Variants in PPP3CB observed in about 807,000 individuals in gnomAD.
PPP3CB encodes protein phosphatase 3 catalytic subunit beta.
PPP3CB carries 8 observed loss-of-function variants against 66.4 expected under a neutral mutation model. That is an observed-to-expected ratio of 0.12 (90% CI 0.07 to 0.22). The LOEUF (loss-of-function observed/expected upper bound fraction) is 0.22. Ranked by LOEUF, PPP3CB falls within the 10% of genes least tolerant of loss-of-function variation. PPP3CB has a pLI of 1.00. For synonymous variants in PPP3CB, 208 were observed against 221.2 expected (o/e 0.94, Z 0.53); for missense variants, 319 against 642.5 (o/e 0.50, Z 5.44).
At chr10:73,488,055 A>G (rs2057015663) in intron 1 of PPP3CB, among the ~76,000 whole-genome samples, 1 of 151,938 alleles carries the variant, frequency 6.6e-6, no homozygotes, top group Non-Finnish European at 1.5e-5. Flanking sequence ...TGCTGGGGTT[A>G]GGGTCAGGCA....
At chr10:73,455,654 C>T (rs545949600) in intron 9 of PPP3CB, among the ~76,000 whole-genome samples, 84 of 152,216 alleles carry the variant, frequency 5.5e-4, no homozygotes, top group African/African-American at 2.0e-3. Context: ...CTGCAGGCTC[C>T]GCCTCCCGGG....
At chr10:73,484,365 G>A (rs1216239224) in intron 1 of PPP3CB, among the ~76,000 whole-genome samples, 1 of 151,952 alleles carries the variant, frequency 6.6e-6, no homozygotes, top group East Asian at 2.0e-4. Flanking sequence ...CGCCCCCCGG[G>A]GTTCATGCCA....
intron 1 of PPP3CB, among the ~76,000 whole-genome samples, chr10:73,492,542 G>A (rs1178342029): frequency 6.6e-6 from 1 of 152,236 alleles, no homozygotes; most frequent in Non-Finnish European, 1.5e-5. Context: ...AAGCACACAT[G>A]CAGATACGGT....
intron 12 of PPP3CB, among the ~76,000 whole-genome samples, 155 bp from the exon 13 acceptor site, chr10:73,440,056 G>A (rs185407205): frequency 1.7e-3 from 256 of 152,094 alleles, no homozygotes; most frequent in African/African-American, 5.7e-3. Context: ...AAATTAGAGA[G>A]CCCCATCCAA....
chr10:73,445,045 T>C (rs995765718), intron 11 of PPP3CB, among the ~76,000 whole-genome samples: 4 of 152,230 alleles, frequency 2.6e-5, no homozygotes, highest in African/African-American at 9.6e-5. Flanking sequence ...TGAAAAGCTT[T>C]ATTAAATATG....
intron 1 of PPP3CB, among the ~76,000 whole-genome samples, chr10:73,485,918 G>GT (rs2056965372): frequency 9.5e-6 from 1 of 104,826 alleles, no homozygotes. Context: ...TTGTGTGTGT[G>GT]TGTGTGTGTG....
At chr10:73,480,962 A>C (rs1237034581) in intron 1 of PPP3CB, among the ~76,000 whole-genome samples, 1 of 152,178 alleles carries the variant, frequency 6.6e-6, no homozygotes, top group African/African-American at 2.4e-5. Flanking sequence ...CTATATAGTA[A>C]GTTTTTCTTA....
chr10:73,476,005 T>C (rs2056778641), intron 3 of PPP3CB, among the ~76,000 whole-genome samples: 3 of 151,508 alleles, frequency 2.0e-5, no homozygotes, highest in African/African-American at 7.2e-5. Context: ...TACAGGCACA[T>C]GCCACCAGGC....
chr10:73,456,145 A>G (rs1008800891), intron 9 of PPP3CB, among the ~76,000 whole-genome samples: 4 of 152,210 alleles, frequency 2.6e-5, no homozygotes, highest in Admixed American at 1.3e-4. Flanking sequence ...ACAAAATTCA[A>G]TACTTCTACA....
chr10:73,471,769 A>C (rs1428326375), intron 4 of PPP3CB, among the ~76,000 whole-genome samples, 156 bp from the exon 5 acceptor site: 6 of 152,216 alleles, frequency 3.9e-5, no homozygotes, highest in Non-Finnish European at 8.8e-5. Context: ...TTTCAACTGT[A>C]GTAATAGCCC....
chr10:73,480,280 A>G (rs1416104520), intron 1 of PPP3CB, among the ~76,000 whole-genome samples: 3 of 152,134 alleles, frequency 2.0e-5, no homozygotes, highest in African/African-American at 7.2e-5. Flanking sequence ...ATCTTTATGC[A>G]TATATTCGAA....
At chr10:73,461,640 G>A (rs2056522931) in intron 9 of PPP3CB, among the ~76,000 whole-genome samples, 1 of 152,136 alleles carries the variant, frequency 6.6e-6, no homozygotes, top group Non-Finnish European at 1.5e-5. Context: ...AAGGAACTAG[G>A]CTTGAGTCTC....
At chr10:73,444,502 T>C (rs2056213798) in intron 12 of PPP3CB, 1 of 1,385,300 alleles carries the variant, frequency 7.2e-7, no homozygotes, top group Non-Finnish European at 9.8e-7. Context: ...GCTGAGGAAC[T>C]GACCATTATT....
chr10:73,493,408 T>C (rs1334137322), intron 1 of PPP3CB, among the ~76,000 whole-genome samples: 1 of 152,196 alleles, frequency 6.6e-6, no homozygotes, highest in Non-Finnish European at 1.5e-5. Flanking sequence ...AAAAGAAATT[T>C]GGATTTTAAC....
At chr10:73,443,289 A>AC in intron 12 of PPP3CB, among the ~76,000 whole-genome samples, 2 of 116,168 alleles carry the variant, frequency 1.7e-5, no homozygotes, top group African/African-American at 8.7e-5. Context: ...AGAAAGACAG[A>AC]AAGAAAGAAA....
Position 73,467,609 on chromosome 10 carries a change from C to A in PPP3CB, c.1052G>T (p.Trp351Leu). ...GAAGACATCCATAAAATTAGGCAAC[C>A]AGTAAGGATGTGGAGAACAGTTAAA... Reference protein sequence around the residue: ...RQFNCSPHPYWLPNFMDVFTW... With the variant: ...RQFNCSPHPYLLPNFMDVFTW... Residue 351 changes from tryptophan (W) to leucine (L), a missense_variant, in exon 9 of 14, where the codon TGG (tryptophan) becomes TTG (leucine). Physicochemically the swap from Trp to Leu is moderately conservative, Grantham distance 61. Coordinates refer to ENST00000360663, the MANE Select transcript of PPP3CB (RefSeq NM_021132.4). 6.3e-7 allele frequency: 1 copy of A among 1,585,040 alleles called. No individual in the cohort carries two copies. The highest frequency in any genetic ancestry group is 1.8e-5 in the Admixed American group (1 of 55,942).
At chr10:73,444,914 AATTCATGAC>A in intron 11 of PPP3CB, 92 bp from the exon 12 acceptor site, 1 of 1,216,486 alleles carries the variant, frequency 8.2e-7, no homozygotes, top group East Asian at 2.5e-5. Context: ...CCATATATAA[AATTCATGAC>A]ATTCATTGCT....
intron 9 of PPP3CB, among the ~76,000 whole-genome samples, chr10:73,456,890 C>T (rs561119519): frequency 2.8e-4 from 43 of 152,126 alleles, no homozygotes; most frequent in Non-Finnish European, 5.1e-4. Context: ...TACCATATAC[C>T]ATATGACCTT....
chr10:73,447,545 G>GA (rs1165579419), intron 10 of PPP3CB, among the ~76,000 whole-genome samples: 1 of 152,158 alleles, frequency 6.6e-6, no homozygotes, highest in Admixed American at 6.5e-5. Flanking sequence ...GAAGGTTAAG[G>GA]AAAGGCTAAA....
Sources: allele counts gnomAD v4.1 joint callset (sites outside exome capture counted in the v4.1 genomes callset), GRCh38; gene constraint gnomAD v4.1.1; transcripts MANE v1.5; gene names NCBI Gene and HGNC (gene_info 2026-07-23, HGNC 2026-07-21).